AGAP1: variants seen among roughly 807,000 people sequenced by gnomAD.
AGAP1 encodes the protein ArfGAP with GTPase domain, ankyrin repeat and PH domain 1.
Under a neutral mutation model 105.3 loss-of-function variants are expected in AGAP1, and 29 were observed. That is an observed-to-expected ratio of 0.28 (90% CI 0.21 to 0.38). The LOEUF (loss-of-function observed/expected upper bound fraction) is 0.38, where lower values mean the gene tolerates loss of function less well. Among genes scored for constraint, AGAP1 ranks in the 10% least tolerant of loss-of-function variants. The probability of loss-of-function intolerance (pLI) is 1.00; values close to 1 mark genes in which losing one functional copy is unlikely to be tolerated. For missense variants in AGAP1, 998 were observed against 1,165.1 expected (o/e 0.86, Z 2.09); for synonymous variants, 509 against 485.9 (o/e 1.05, Z -0.63).
chr2:235,627,490 G>A (rs1323259718), intron 1 of AGAP1, among the ~76,000 whole-genome samples: 1 of 152,150 alleles, frequency 6.6e-6, no homozygotes, highest in Admixed American at 6.5e-5. Context: ...CTCCCAAGGT[G>A]CTGGGATTAC....
At chr2:235,822,337 TAAAG>T (rs771823340) in intron 9 of AGAP1, among the ~76,000 whole-genome samples, 11 of 152,166 alleles carry the variant, frequency 7.2e-5, no homozygotes, top group Admixed American at 3.9e-4. Flanking sequence ...GTTGGTTACT[TAAAG>T]AAGACCTGGG....
chr2:235,678,164 C>T (rs1948859767), intron 1 of AGAP1, among the ~76,000 whole-genome samples: 1 of 152,110 alleles, frequency 6.6e-6, no homozygotes, highest in African/African-American at 2.4e-5. Flanking sequence ...TTGGATATCT[C>T]ACTCTTCCGG....
At chr2:235,637,728 C>G (rs533582608) in intron 1 of AGAP1, among the ~76,000 whole-genome samples, 1 of 152,148 alleles carries the variant, frequency 6.6e-6, no homozygotes, top group East Asian at 1.9e-4. Flanking sequence ...AGAAGCAGAA[C>G]CATATGGAAG....
At chr2:235,528,708 G>A (rs908752315) in intron 1 of AGAP1, among the ~76,000 whole-genome samples, 12 of 152,048 alleles carry the variant, frequency 7.9e-5, no homozygotes, top group Admixed American at 2.0e-4. Flanking sequence ...ACGGAGTTTC[G>A]CTCTGTCGCC....
rs1214358405 is a variant in AGAP1 at position 236,128,989 on chromosome 2, C to T, written c.*4867C>T. The T allele has an allele frequency of 6.6e-6, 1 of 152,228 alleles. No individual in the cohort carries two copies. Among genetic ancestry groups the T allele is most frequent in the Non-Finnish European group, 1.5e-5 (1 of 68,046 alleles). 9.4% of individuals were successfully genotyped at this position (152,228 alleles called of 1,614,324 possible). On this transcript the variant is annotated 3_prime_UTR_variant, in exon 18 of 18. Transcript: ENST00000304032. This position sits in a 1 kb window ranked among gnomAD's most constrained non-coding sequence, Gnocchi z 5.9. ...AAAGTGCTGGAGATACACATCTTTC[C>T]TTCAAAGGAAATGTAATTTATTTCC...
rs1279818471 is a variant in AGAP1 at position 235,866,550 on chromosome 2, T to TG, written c.1051-16794dup. ...CCTCCCATGCTGGGTGCCATCAGTG[T>TG]GCTGGAGGGGGAAGGGGGAGACAGC... On this transcript the variant is annotated intron_variant, in intron 9 of 17. Coordinates refer to ENST00000304032, the MANE Select transcript of AGAP1 (RefSeq NM_001037131.3). The surrounding 1 kb of genome is among the most constrained non-coding windows in gnomAD (Gnocchi z 6.1). Among the ~76,000 whole-genome samples, 2 of 152,186 alleles carry TG rather than the reference T, an allele frequency of 1.3e-5. No homozygotes were observed. The highest frequency in any genetic ancestry group is 2.9e-5 in the Non-Finnish European group (2 of 68,036).
In AGAP1 at chr2:235,799,607, G is replaced by A. The variant is rs551994813; in HGVS notation, c.957+85G>A. 9.7e-6 allele frequency: 14 copies of A among 1,443,086 alleles called. No individual in the cohort carries two copies. The East Asian group carries it at 3.0e-4, about 31-fold the overall frequency. 89.4% of individuals were successfully genotyped at this position (1,443,086 alleles called of 1,614,324 possible). A position where few individuals can be genotyped will look rare whatever the true frequency, so the allele number is the denominator to read the frequency against. On this transcript the variant is annotated intron_variant, in intron 8 of 17. Transcript: ENST00000304032. The surrounding 1 kb of genome is among the most constrained non-coding windows in gnomAD (Gnocchi z 5.0). ...AACCTGGTTGCCACATGGTTCAGTGGTATTTGTAGAATCTCAACTATATTA... is the reference window on the plus strand; with the variant it reads ...AACCTGGTTGCCACATGGTTCAGTGATATTTGTAGAATCTCAACTATATTA...
In AGAP1 at chr2:235,671,425, G is replaced by A. The variant is rs572836661; in HGVS notation, c.164-37754G>A. On this transcript the variant is annotated intron_variant, in intron 1 of 17. Transcript: ENST00000304032. Reference sequence around the variant, plus strand: ...TGTGGGGCCGCCCCAGGGAGCCGAGGCTCGCCGGTCGCCGCCGCACAGGTG... The same window carrying A: ...TGTGGGGCCGCCCCAGGGAGCCGAGACTCGCCGGTCGCCGCCGCACAGGTG... Among the ~76,000 whole-genome samples, 44 of 152,298 alleles carry A rather than the reference G, an allele frequency of 2.9e-4. 1 individual carries two copies. In the South Asian group the frequency reaches 8.7e-3, roughly 30 times the overall value.
intron 11 of AGAP1, among the ~76,000 whole-genome samples, chr2:235,923,919 C>A (rs2052316704): frequency 6.6e-6 from 1 of 152,166 alleles, no homozygotes; most frequent in African/African-American, 2.4e-5. Flanking sequence ...TTTATGAAAG[C>A]TTTGCATCCA....
At chr2:235,851,615 G>A (rs780357450) in intron 9 of AGAP1, among the ~76,000 whole-genome samples, 17 of 152,174 alleles carry the variant, frequency 1.1e-4, no homozygotes, top group Non-Finnish European at 2.2e-4. Flanking sequence ...GCCCGCGGCA[G>A]CATACTCTAG....
At chr2:235,781,879 G>A (rs752560436) in intron 6 of AGAP1, among the ~76,000 whole-genome samples, 11 of 152,056 alleles carry the variant, frequency 7.2e-5, no homozygotes, top group Non-Finnish European at 1.3e-4. Flanking sequence ...TAGTGTATAC[G>A]GAGTTTCCGC....
intron 1 of AGAP1, among the ~76,000 whole-genome samples, chr2:235,672,590 A>G (rs1313243440): frequency 6.6e-6 from 1 of 152,250 alleles, no homozygotes; most frequent in Non-Finnish European, 1.5e-5. Flanking sequence ...GTTTGCACGA[A>G]GTTGCTCCTG....
chr2:235,516,667 G>C (rs1482525963), intron 1 of AGAP1, among the ~76,000 whole-genome samples: 1 of 152,140 alleles, frequency 6.6e-6, no homozygotes, highest in African/African-American at 2.4e-5. Flanking sequence ...TGTGCACCCT[G>C]GCTTCCCATC....
At chr2:235,847,306 T>C (rs1961612772) in intron 9 of AGAP1, among the ~76,000 whole-genome samples, 1 of 152,242 alleles carries the variant, frequency 6.6e-6, no homozygotes, top group Non-Finnish European at 1.5e-5. Context: ...ATGGCCATTC[T>C]GGCTTTTGAC....
In AGAP1 at chr2:235,930,667, T is replaced by C. The variant is rs1575809304; in HGVS notation, c.1325-98T>C. The C allele has an allele frequency of 8.2e-7, 1 of 1,221,952 alleles. No individual in the cohort carries two copies. Among genetic ancestry groups the C allele is most frequent in the Non-Finnish European group, 1.1e-6 (1 of 893,584 alleles). 75.7% of individuals were successfully genotyped at this position (1,221,952 alleles called of 1,614,324 possible). On this transcript the variant is annotated intron_variant, in intron 11 of 17. Coordinates refer to ENST00000304032, the MANE Select transcript of AGAP1 (RefSeq NM_001037131.3). The surrounding 1 kb of genome is among the most constrained non-coding windows in gnomAD (Gnocchi z 7.9). ...ACAGGGGCTGCTCTCGGTGGTAAGG[T>C]GCACTATGTGCCAGCGTGTGGGTCC... is the stretch of plus-strand genomic sequence containing the variant.
chr2:235,585,420 G>A (rs963149016), intron 1 of AGAP1, among the ~76,000 whole-genome samples: 2 of 152,140 alleles, frequency 1.3e-5, no homozygotes, highest in African/African-American at 4.8e-5. Context: ...GTGTAATCCA[G>A]AATCCTTGCA....
intron 16 of AGAP1, 122 bp downstream of exon 16, chr2:236,049,403 CGA>C: frequency 1.2e-6 from 1 of 843,902 alleles, no homozygotes; most frequent in Non-Finnish European, 1.8e-6. Flanking sequence ...TCGGGAATTC[CGA>C]TTCATCCGGC....
chr2:236,126,532 TTATAA>T lies in AGAP1; in HGVS notation c.*2419_*2423del, dbSNP rs1193129032. 6.6e-6 allele frequency: 1 copy of T among 152,172 alleles called. No homozygotes were observed. Among genetic ancestry groups the T allele is most frequent in the Non-Finnish European group, 1.5e-5 (1 of 68,032 alleles). The allele number at this position is 152,172 out of a possible 1,614,324, so 9.4% of individuals were successfully genotyped here. On this transcript the variant is annotated 3_prime_UTR_variant, in exon 18 of 18. Coordinates refer to ENST00000304032, the MANE Select transcript of AGAP1 (RefSeq NM_001037131.3). ...AGCGTGTACATATTATTCTATGTGT[TTATAA>T]TATAATATTTTCCCAAATGACTTCT...
Position 235,792,719 on chromosome 2 carries a change from G to A in AGAP1, c.674-5040G>A, listed in dbSNP as rs951551033. On this transcript the variant is annotated intron_variant, in intron 6 of 17. Transcript: ENST00000304032. This position sits in a 1 kb window ranked among gnomAD's most constrained non-coding sequence, Gnocchi z 5.3. ...CCATCGACTGAGCTAGAAAACAGACGAGAGGCAGGTCTGAGAGAGGCTAGG... is the reference window on the plus strand; with the variant it reads ...CCATCGACTGAGCTAGAAAACAGACAAGAGGCAGGTCTGAGAGAGGCTAGG... 1.3e-5 allele frequency among the ~76,000 whole-genome samples: 2 copies of A among 152,010 alleles called. No homozygotes were observed. The highest frequency in any genetic ancestry group is 4.8e-5 in the African/African-American group (2 of 41,440).
Sources: gnomAD v4.1 joint callset for allele counts (sites outside exome capture counted in the v4.1 genomes callset) on GRCh38, gnomAD v4.1.1 for gene constraint, Gnocchi (gnomAD v3.1) non-coding constraint, MANE v1.5 for transcripts, NCBI Gene and HGNC (gene_info 2026-07-23, HGNC 2026-07-21) for gene names.